The following COG3 variants were observed in gnomAD, a reference collection of about 807,000 sequenced individuals.
COG3 encodes component of oligomeric golgi complex 3, also known as conserved oligomeric Golgi complex subunit 3.
Under a neutral mutation model 114.1 loss-of-function variants are expected in COG3, and 32 were observed. That is an observed-to-expected ratio of 0.28 (90% CI 0.21 to 0.38). COG3 has a LOEUF of 0.38. Among genes scored for constraint, COG3 ranks in the 10% least tolerant of loss-of-function variants. The probability of loss-of-function intolerance (pLI) is 1.00; values close to 1 mark genes in which losing one functional copy is unlikely to be tolerated. For missense variants in COG3, 813 were observed against 973.2 expected (o/e 0.84, Z 2.19); for synonymous variants, 352 against 365.7 (o/e 0.96, Z 0.43).
chr13:45,523,537 CTT>C (rs1373207009), intron 19 of COG3, among the ~76,000 whole-genome samples: 1 of 152,112 alleles, frequency 6.6e-6, no homozygotes. Context: ...TTGGGGAAAA[CTT>C]TTGAAGCAAA....
intron 22 of COG3, 102 bp from the exon 23 acceptor site, chr13:45,534,600 T>C: frequency 7.0e-6 from 5 of 714,308 alleles, no homozygotes; most frequent in Non-Finnish European, 9.3e-6. Flanking sequence ...TATTGCATGA[T>C]GCTGAGGTTT....
chr13:45,508,841 G>A (rs1870536410), intron 14 of COG3, among the ~76,000 whole-genome samples: 1 of 152,158 alleles, frequency 6.6e-6, no homozygotes, highest in East Asian at 1.9e-4. Context: ...GTGGTGGGGG[G>A]AAGCCCGCTC....
chr13:45,470,726 T>C (rs1004822414), intron 1 of COG3, among the ~76,000 whole-genome samples: 6 of 152,210 alleles, frequency 3.9e-5, no homozygotes, highest in Non-Finnish European at 8.8e-5. Flanking sequence ...TCAAAAGAAG[T>C]TGAATTACAG....
At chr13:45,520,181 T>C (rs1871968030) in intron 19 of COG3, among the ~76,000 whole-genome samples, 1 of 151,682 alleles carries the variant, frequency 6.6e-6, no homozygotes. Flanking sequence ...CCCAGGTACT[T>C]GGGAGGCTGA....
intron 22 of COG3, among the ~76,000 whole-genome samples, chr13:45,532,560 GTTTTTTTTTTTT>G (rs59023921): frequency 3.0e-4 from 25 of 82,482 alleles, no homozygotes; most frequent in South Asian, 8.3e-4. Context: ...TCCTTCCATT[GTTTTTTTTTTTT>G]TTTTTTTTTT....
Position 45,518,858 on chromosome 13 carries a change from G to A in COG3, c.2019+8G>A, listed in dbSNP as rs766283566. Reference sequence around the variant, plus strand: ...ATAGAGTTCTTGTTGGAGGTGAGAAGGAGTCTGTTTCATTGGTGGTGGGAG... The same window carrying A: ...ATAGAGTTCTTGTTGGAGGTGAGAAAGAGTCTGTTTCATTGGTGGTGGGAG... On this transcript the variant is annotated splice_region_variant and intron_variant, in intron 18 of 22. Transcript: ENST00000349995. 4 of 1,612,952 alleles carry A rather than the reference G, an allele frequency of 2.5e-6. No individual in the cohort carries two copies. The South Asian group carries it at 3.3e-5, about 13-fold the overall frequency.
rs772080989 is a variant in COG3, at chr13:45,486,289, TCGGGAGACGGGAGA to T, written c.844-163_844-150del. 9.0e-3 allele frequency among the ~76,000 whole-genome samples: 980 copies of T among 108,382 alleles called. 107 individuals are homozygous for T. Among genetic ancestry groups the T allele is most frequent in the African/African-American group, 0.027 (577 of 21,050 alleles). The allele number at this position is 108,382 out of a possible 152,430, so 71.1% of individuals were successfully genotyped here. ...TCGGCTCGGCATGAGAGGGAGACCA[TCGGGAGACGGGAGA>T]CGGGAGACGGGAGACGGGAGACGGG... On this transcript the variant is annotated intron_variant, in intron 7 of 22. Coordinates refer to ENST00000349995, the MANE Select transcript of COG3 (RefSeq NM_031431.4).
intron 8 of COG3, among the ~76,000 whole-genome samples, chr13:45,487,329 A>G (rs369107551): frequency 4.1e-4 from 62 of 152,366 alleles, no homozygotes; most frequent in African/African-American, 1.5e-3. Context: ...ACATTGGTCT[A>G]GGCCAAGATT....
Position 45,496,191 on chromosome 13 carries a change from T to A in COG3, c.1367T>A (p.Met456Lys), listed in dbSNP as rs765161212. The A allele has an allele frequency of 6.2e-7, 1 of 1,611,420 alleles. No homozygotes were observed. Among genetic ancestry groups the A allele is most frequent in the East Asian group, 2.2e-5 (1 of 44,696 alleles). Residue 456 changes from methionine (M) to lysine (K), a missense_variant, in exon 13 of 23, where the codon ATG becomes AAG. Met to Lys is a moderately conservative substitution (Grantham distance 95, BLOSUM62 -1). Around this residue, in one of 2 missense-constraint regions of COG3, gnomAD observed 389 missense variants for 542.6 expected, o/e 0.72. Coordinates refer to ENST00000349995, the MANE Select transcript of COG3 (RefSeq NM_031431.4). ...GCATTTGCAGCTGGAGTCAAGCAGATGTTAGAAGATGTACAGGAGCGGCTC... is the reference window on the plus strand; with the variant it reads ...GCATTTGCAGCTGGAGTCAAGCAGAAGTTAGAAGATGTACAGGAGCGGCTC... ...LGAFAAGVKQMLEDVQERLVY... is the reference protein window; with the variant it reads ...LGAFAAGVKQKLEDVQERLVY...
At chr13:45,514,759 T>C (rs1330243817) in intron 16 of COG3, among the ~76,000 whole-genome samples, 1 of 152,092 alleles carries the variant, frequency 6.6e-6, no homozygotes, top group African/African-American at 2.4e-5. Context: ...GCCATTCTCC[T>C]GCCTCAGCCT....
intron 1 of COG3, among the ~76,000 whole-genome samples, chr13:45,474,151 C>CTCTTTTT (rs1380085026): frequency 6.1e-5 from 5 of 81,986 alleles, no homozygotes; most frequent in African/African-American, 2.5e-4. Context: ...CTTTTTTACT[C>CTCTTTTT]TTTTTTTTTT....
At chr13:45,500,032 ATATATG>A (rs1429236840) in intron 13 of COG3, among the ~76,000 whole-genome samples, 10 of 136,104 alleles carry the variant, frequency 7.3e-5, no homozygotes, top group African/African-American at 2.7e-4. Context: ...AAAAATATAT[ATATATG>A]TATGTGTGTG....
intron 1 of COG3, among the ~76,000 whole-genome samples, chr13:45,471,394 G>C (rs933796320): frequency 6.6e-6 from 1 of 152,134 alleles, no homozygotes; most frequent in African/African-American, 2.4e-5. Context: ...ACTTCAGCCT[G>C]GGTGGCAGAA....
At chr13:45,519,638 A>G (rs934822013) in intron 19 of COG3, among the ~76,000 whole-genome samples, 1 of 152,196 alleles carries the variant, frequency 6.6e-6, no homozygotes, top group Non-Finnish European at 1.5e-5. Context: ...GGAAACTGTG[A>G]CTTTAAGTGA....
intron 22 of COG3, 182 bp from the exon 23 acceptor site, chr13:45,534,520 G>T: frequency 4.8e-6 from 2 of 417,852 alleles, no homozygotes; most frequent in South Asian, 8.3e-5. Context: ...CATTCTAATT[G>T]CTTTATTTTA....
rs1311948073 is a variant in COG3, at chr13:45,490,896, A to T, written c.925-19A>T. 2 of 1,532,934 alleles carry T rather than the reference A, an allele frequency of 1.3e-6. No homozygotes were observed. The highest frequency in any genetic ancestry group is 8.9e-7 in the Non-Finnish European group (1 of 1,120,208). 95.0% of individuals were successfully genotyped at this position (1,532,934 alleles called of 1,614,324 possible). ...TATAACAGAGATGGTTTTTTGATGC[A>T]TTTTTTCTTACTTTGCAGACTCTTA... On this transcript the variant is annotated intron_variant, in intron 8 of 22. Coordinates refer to ENST00000349995, the MANE Select transcript of COG3 (RefSeq NM_031431.4).
chr13:45,496,499 G>A (rs1381130111), intron 13 of COG3, among the ~76,000 whole-genome samples, 187 bp downstream of exon 13: 1 of 151,978 alleles, frequency 6.6e-6, no homozygotes, highest in African/African-American at 2.4e-5. Flanking sequence ...GATTACAGGC[G>A]TGAGCCACTG....
intron 1 of COG3, among the ~76,000 whole-genome samples, chr13:45,469,528 A>G (rs1885344502): frequency 6.6e-6 from 1 of 152,206 alleles, no homozygotes; most frequent in Non-Finnish European, 1.5e-5. Context: ...CCAGGTGCAA[A>G]TATTATAAAA....
intron 2 of COG3, among the ~76,000 whole-genome samples, chr13:45,478,459 G>A (rs1387318940): frequency 3.3e-5 from 5 of 150,406 alleles, no homozygotes; most frequent in Admixed American, 6.6e-5. Context: ...GATTACAGGC[G>A]TGAGCCACCG....
Sources: allele counts gnomAD v4.1 joint callset (sites outside exome capture counted in the v4.1 genomes callset), GRCh38; gene constraint gnomAD v4.1.1; regional missense constraint gnomAD v4.1.1; transcripts MANE v1.5; gene names NCBI Gene and HGNC (gene_info 2026-07-23, HGNC 2026-07-21).